COL23A1: variants seen among roughly 807,000 people sequenced by gnomAD.
The protein encoded by COL23A1 is collagen type XXIII alpha 1 chain.
A neutral mutation model predicts 99.3 loss-of-function variants in COL23A1; 97 were observed. The ratio of observed to expected loss-of-function variants is 0.98; its 90% CI spans 0.83 to 1.16. COL23A1 has a LOEUF of 1.16. Ranked by LOEUF, COL23A1 falls within the 50% of genes most tolerant of loss-of-function variation. The probability of loss-of-function intolerance (pLI) is 0.00; values close to 1 mark genes in which losing one functional copy is unlikely to be tolerated. For synonymous variants in COL23A1, 320 were observed against 308.2 expected (o/e 1.04, Z -0.40); for missense variants, 762 against 757.4 (o/e 1.01, Z -0.07).
intron 5 of COL23A1, among the ~76,000 whole-genome samples, chr5:178,277,842 T>C (rs1027499534): frequency 2.6e-5 from 4 of 152,322 alleles, no homozygotes; most frequent in African/African-American, 9.6e-5. Context: ...ATGATTACCC[T>C]GTCAGGTATC....
chr5:178,466,474 G>A (rs975968269), intron 2 of COL23A1, among the ~76,000 whole-genome samples: 1 of 152,160 alleles, frequency 6.6e-6, no homozygotes, highest in African/African-American at 2.4e-5. Context: ...ACTCAGCTAC[G>A]GGAAACTGAG....
At chr5:178,504,701 G>A (rs937317770) in intron 2 of COL23A1, among the ~76,000 whole-genome samples, 6 of 152,228 alleles carry the variant, frequency 3.9e-5, no homozygotes, top group African/African-American at 7.2e-5. Context: ...TGTGTGAGGC[G>A]AAGTGCGCTG....
chr5:178,270,215 G>A (rs1756206835), intron 6 of COL23A1, 122 bp downstream of exon 6: 16 of 1,144,132 alleles, frequency 1.4e-5, no homozygotes, highest in Non-Finnish European at 1.8e-5. Flanking sequence ...CACCCAAAAG[G>A]CTTCTCTCTG....
chr5:178,255,081 T>G lies in COL23A1; in HGVS notation c.883-55A>C. On this transcript the variant is annotated intron_variant, in intron 15 of 28. Transcript: ENST00000390654. The surrounding 1 kb of genome is among the most constrained non-coding windows in gnomAD (Gnocchi z 4.2). ...GGGAAGAGCTACACTGAGTTGGAGGTGAAGTGGCAGCTGTCCCTGCATCAC... is the reference window on the plus strand; with the variant it reads ...GGGAAGAGCTACACTGAGTTGGAGGGGAAGTGGCAGCTGTCCCTGCATCAC... The G allele has an allele frequency of 6.9e-7, 1 of 1,443,636 alleles. No individual in the cohort carries two copies. Among genetic ancestry groups the G allele is most frequent in the South Asian group, 1.1e-5 (1 of 87,626 alleles). The allele number at this position is 1,443,636 out of a possible 1,614,324, so 89.4% of individuals were successfully genotyped here.
At position 178,442,307 on chromosome 5, in the gene COL23A1, A is replaced by G. The variant is rs577206661; in HGVS notation, c.361+118375T>C. Among the ~76,000 whole-genome samples the G allele has an allele frequency of 1.1e-3, 164 of 152,358 alleles. 1 individual carries two copies. The highest frequency in any genetic ancestry group is 3.8e-3 in the African/African-American group (157 of 41,590). Reference sequence around the variant, plus strand: ...CTGTTTGCTGGTAATTCCATGAGGAAAATTGCCTTTGACTGGTTTGTCCAA... The same window carrying G: ...CTGTTTGCTGGTAATTCCATGAGGAGAATTGCCTTTGACTGGTTTGTCCAA... On this transcript the variant is annotated intron_variant, in intron 2 of 28. Transcript: ENST00000390654.
At chr5:178,299,844 C>A (rs1178651233) in intron 3 of COL23A1, among the ~76,000 whole-genome samples, 1 of 151,862 alleles carries the variant, frequency 6.6e-6, no homozygotes, top group Non-Finnish European at 1.5e-5. Flanking sequence ...ACCTCTGCCT[C>A]CTGGGTTCAA....
rs577132335 is a variant in COL23A1 at position 178,255,256 on chromosome 5, C to T, written c.883-230G>A. ...TGAGGGGCGGCTGTAATTGCCCTCA[C>T]GTGGGCATTCAGGCCTGACCCCTGA... is the stretch of plus-strand genomic sequence containing the variant. On this transcript the variant is annotated intron_variant, in intron 15 of 28. Coordinates refer to ENST00000390654, the MANE Select transcript of COL23A1 (RefSeq NM_173465.4). The surrounding 1 kb of genome is among the most constrained non-coding windows in gnomAD (Gnocchi z 4.2). 2.0e-5 allele frequency among the ~76,000 whole-genome samples: 3 copies of T among 152,152 alleles called. No individual in the cohort carries two copies. The highest frequency in any genetic ancestry group is 2.9e-5 in the Non-Finnish European group (2 of 68,000).
chr5:178,414,407 TTTTA>T (rs1765196966), intron 2 of COL23A1, among the ~76,000 whole-genome samples: 1 of 77,450 alleles, frequency 1.3e-5, no homozygotes, highest in Non-Finnish European at 2.2e-5. Flanking sequence ...AATATCCTTT[TTTTA>T]AAAAAAAAAA....
At chr5:178,534,816 A>T (rs989155521) in intron 2 of COL23A1, among the ~76,000 whole-genome samples, 1 of 152,258 alleles carries the variant, frequency 6.6e-6, no homozygotes, top group Admixed American at 6.5e-5. Flanking sequence ...CACAGAGCAC[A>T]TGTGCACGAC....
intron 2 of COL23A1, among the ~76,000 whole-genome samples, chr5:178,553,867 C>T (rs1019801948): frequency 6.6e-6 from 1 of 152,204 alleles, no homozygotes; most frequent in Non-Finnish European, 1.5e-5. Flanking sequence ...TCTCTTCTCC[C>T]TTCCTCTCTG....
At chr5:178,249,457 A>G (rs1764894741) in intron 18 of COL23A1, among the ~76,000 whole-genome samples, 1 of 152,136 alleles carries the variant, frequency 6.6e-6, no homozygotes, top group Admixed American at 6.5e-5. Context: ...GGATCATGTG[A>G]GCCTGGAGCT....
chr5:178,482,709 T>C (rs538272959), intron 2 of COL23A1, among the ~76,000 whole-genome samples: 21 of 152,072 alleles, frequency 1.4e-4, no homozygotes, highest in Non-Finnish European at 2.2e-4. Flanking sequence ...CTGGCTAACA[T>C]GGTGAAACCC....
At position 178,265,617 on chromosome 5, in the gene COL23A1, C is replaced by A. The variant is rs1003312618; in HGVS notation, c.522+1690G>T. On this transcript the variant is annotated intron_variant, in intron 8 of 28. Transcript: ENST00000390654. ...GTGGGGTGAGTTGGGGGTAACACAG[C>A]AAGCCATCAGGTCCAGACCCCCACT... The A allele has an allele frequency of 6.3e-6, 6 of 952,358 alleles. No homozygotes were observed. The African/African-American group carries it at 8.9e-5, about 14-fold the overall frequency. 59.0% of individuals were successfully genotyped at this position (952,358 alleles called of 1,614,324 possible). A position where few individuals can be genotyped will look rare whatever the true frequency, so the allele number is the denominator to read the frequency against.
At chr5:178,573,457 C>T (rs780821605) in intron 1 of COL23A1, among the ~76,000 whole-genome samples, 6 of 152,176 alleles carry the variant, frequency 3.9e-5, no homozygotes, top group Admixed American at 2.6e-4. Context: ...TAATCAGTGA[C>T]TCCCATTGGC....
intron 2 of COL23A1, among the ~76,000 whole-genome samples, chr5:178,526,950 C>G (rs1053001728): frequency 2.6e-5 from 4 of 152,244 alleles, no homozygotes; most frequent in Non-Finnish European, 5.9e-5. Context: ...AAAAAGACGG[C>G]CTCCTTTGTC....
intron 25 of COL23A1, 102 bp downstream of exon 25, chr5:178,245,840 G>C: frequency 7.3e-7 from 1 of 1,377,876 alleles, no homozygotes; most frequent in East Asian, 2.3e-5. Context: ...CCAGCCCTGG[G>C]GAAAGGGGTC....
intron 1 of COL23A1, among the ~76,000 whole-genome samples, chr5:178,586,259 T>A (rs749893696): frequency 2.0e-5 from 3 of 152,252 alleles, no homozygotes; most frequent in Admixed American, 6.5e-5. Flanking sequence ...TACCATCCTG[T>A]ACTTTTCCTG....
intron 2 of COL23A1, among the ~76,000 whole-genome samples, chr5:178,533,750 G>C (rs1410815672): frequency 6.6e-6 from 1 of 152,196 alleles, no homozygotes; most frequent in East Asian, 1.9e-4. Flanking sequence ...GCCTGCCTCA[G>C]CCTCCCAAAG....
chr5:178,324,302 T>G (rs1759516435), intron 2 of COL23A1, among the ~76,000 whole-genome samples: 1 of 152,204 alleles, frequency 6.6e-6, no homozygotes, highest in African/African-American at 2.4e-5. Flanking sequence ...AGTGGCTTCC[T>G]TTTCTCTGTC....
Sources: gnomAD v4.1 joint callset for allele counts (sites outside exome capture counted in the v4.1 genomes callset) on GRCh38, gnomAD v4.1.1 for gene constraint, Gnocchi (gnomAD v3.1) non-coding constraint, MANE v1.5 for transcripts, NCBI Gene and HGNC (gene_info 2026-07-23, HGNC 2026-07-21) for gene names.